TRIM33: variants seen among roughly 807,000 people sequenced by gnomAD.
The protein encoded by TRIM33 is tripartite motif containing 33, also known as E3 ubiquitin-protein ligase TRIM33.
A neutral mutation model predicts 125.4 loss-of-function variants in TRIM33; 20 were observed. That is an observed-to-expected ratio of 0.16 (90% CI 0.11 to 0.23). TRIM33 has a LOEUF of 0.23. Among genes scored for constraint, TRIM33 ranks in the 10% least tolerant of loss-of-function variants. TRIM33 has a pLI of 1.00. For synonymous variants in TRIM33, 564 were observed against 513.9 expected, an observed-to-expected ratio of 1.10 and a Z score of -1.32; for missense variants, 920 against 1,411.4, an observed-to-expected ratio of 0.65 and a Z score of 5.58.
intron 1 of TRIM33, among the ~76,000 whole-genome samples, chr1:114,472,678 G>C (rs1650722883): frequency 6.6e-6 from 1 of 152,150 alleles, no homozygotes; most frequent in Admixed American, 6.6e-5. Flanking sequence ...GCAGTGAGCA[G>C]TGATTGGGCC....
At chr1:114,459,691 C>T (rs879647208) in intron 4 of TRIM33, among the ~76,000 whole-genome samples, 2 of 151,996 alleles carry the variant, frequency 1.3e-5, no homozygotes, top group Non-Finnish European at 2.9e-5. Flanking sequence ...ACCACTTGAG[C>T]CCAAGAGCTT....
chr1:114,497,661 T>C lies in TRIM33; in HGVS notation c.526+12890A>G, dbSNP rs183481560. ...TTCCCAACTATTTAAAATATAAAAA[T>C]CATTCTTGGCTCACAGGTCATACAA... On this transcript the variant is annotated intron_variant, in intron 1 of 19. Transcript: ENST00000358465. Among the ~76,000 whole-genome samples, 28 of 152,280 alleles carry C rather than the reference T, an allele frequency of 1.8e-4. No individual in the cohort carries two copies. In the East Asian group the frequency reaches 5.2e-3, roughly 28 times the overall value.
chr1:114,466,720 T>C (rs1461320126), intron 1 of TRIM33, among the ~76,000 whole-genome samples: 1 of 152,204 alleles, frequency 6.6e-6, no homozygotes, highest in Admixed American at 6.5e-5. Flanking sequence ...TGCTTTCTCT[T>C]GGGCTTTGCA....
rs796240749 is a variant in TRIM33 at position 114,395,881 on chromosome 1, CTTG to C, written c.*1764_*1766del. On this transcript the variant is annotated 3_prime_UTR_variant, in exon 20 of 20. Transcript: ENST00000358465. ...ATCATATTCCTGTTTACCCCCACCC[CTTG>C]TTAAGAAAAGAAAAACAACCCAAAG... is the stretch of plus-strand genomic sequence containing the variant. 4.7e-5 allele frequency: 9 copies of C among 193,076 alleles called. No homozygotes were observed. The highest frequency in any genetic ancestry group is 2.1e-4 in the African/African-American group (9 of 43,236). The allele number at this position is 193,076 out of a possible 1,614,324, so 12.0% of individuals were successfully genotyped here. A position where few individuals can be genotyped will look rare whatever the true frequency, so the allele number is the denominator to read the frequency against.
chr1:114,422,315 G>A (rs1237714852), intron 10 of TRIM33, among the ~76,000 whole-genome samples: 1 of 152,134 alleles, frequency 6.6e-6, no homozygotes, highest in Non-Finnish European at 1.5e-5. Flanking sequence ...CAAAGTCTAA[G>A]GAAAATGTTC....
At chr1:114,409,723 C>T (rs75575951) in intron 12 of TRIM33, among the ~76,000 whole-genome samples, 2,324 of 152,210 alleles carry the variant, frequency 0.015, 48 homozygotes, top group African/African-American at 0.048. Context: ...GTCAACTTGG[C>T]TAGGATATGA....
intron 4 of TRIM33, among the ~76,000 whole-genome samples, chr1:114,441,720 T>C (rs1200428269): frequency 6.6e-6 from 1 of 152,270 alleles, no homozygotes; most frequent in East Asian, 1.9e-4. Context: ...TCAACCCATC[T>C]GCCCTCTTTG....
intron 10 of TRIM33, among the ~76,000 whole-genome samples, chr1:114,422,796 T>G (rs1647291234): frequency 6.6e-6 from 1 of 152,166 alleles, no homozygotes; most frequent in African/African-American, 2.4e-5. Flanking sequence ...TGACAAAAAG[T>G]TTTTAAATAG....
rs567942419 is a variant in TRIM33, at chr1:114,439,239, C to T, written c.924-5506G>A. ...CTGTAATCCCAGCATTTTGGGAGGC[C>T]GAGGTGGGCAGATCACGAGGTCATG... On this transcript the variant is annotated intron_variant, in intron 4 of 19. Transcript: ENST00000358465. Among the ~76,000 whole-genome samples the T allele has an allele frequency of 4.1e-4, 62 of 152,056 alleles. No homozygotes were observed. The South Asian group carries it at 1.0e-2, about 24-fold the overall frequency.
intron 1 of TRIM33, among the ~76,000 whole-genome samples, chr1:114,494,805 T>C (rs1466463070): frequency 2.6e-5 from 4 of 152,344 alleles, no homozygotes; most frequent in South Asian, 2.1e-4. Flanking sequence ...AAACTAACTA[T>C]AAATTAATTA....
At chr1:114,443,294 G>A (rs886457761) in intron 4 of TRIM33, among the ~76,000 whole-genome samples, 1 of 152,158 alleles carries the variant, frequency 6.6e-6, no homozygotes, top group Non-Finnish European at 1.5e-5. Context: ...TGAGGTGGGA[G>A]AATCGCTTGA....
chr1:114,468,246 C>A, intron 1 of TRIM33: 1 of 233,856 alleles, frequency 4.3e-6, no homozygotes, highest in Non-Finnish European at 8.4e-6. Flanking sequence ...GCAGGAGCAG[C>A]GCTGCTGCTG....
chr1:114,450,379 T>C (rs766850536), intron 4 of TRIM33, among the ~76,000 whole-genome samples: 2 of 152,212 alleles, frequency 1.3e-5, no homozygotes, highest in African/African-American at 2.4e-5. Context: ...TCACCCAGGC[T>C]GGAGTGCAGT....
At chr1:114,460,449 A>C (rs1444256124) in intron 4 of TRIM33, 1 of 152,184 alleles carries the variant, frequency 6.6e-6, no homozygotes, top group Non-Finnish European at 1.5e-5. Flanking sequence ...TGAGTTCATC[A>C]AGCTGAAAAT....
intron 6 of TRIM33, among the ~76,000 whole-genome samples, chr1:114,428,945 C>T (rs1189304240): frequency 6.6e-6 from 1 of 151,844 alleles, no homozygotes; most frequent in East Asian, 1.9e-4. Flanking sequence ...AACTCCACTT[C>T]CCAGGCTCAA....
chr1:114,438,284 A>G (rs1282538406), intron 4 of TRIM33, among the ~76,000 whole-genome samples: 2 of 152,238 alleles, frequency 1.3e-5, no homozygotes, highest in African/African-American at 4.8e-5. Flanking sequence ...AAACTGAATA[A>G]GAGAACCTTT....
intron 1 of TRIM33, 101 bp downstream of exon 1, chr1:114,510,449 GC>G: frequency 8.6e-7 from 1 of 1,156,324 alleles, no homozygotes; most frequent in Non-Finnish European, 1.1e-6. Context: ...TCGGGATGGC[GC>G]CCGTCCGAGC....
chr1:114,506,752 C>T (rs1653029369), intron 1 of TRIM33, among the ~76,000 whole-genome samples: 1 of 152,214 alleles, frequency 6.6e-6, no homozygotes, highest in African/African-American at 2.4e-5. Flanking sequence ...AAAAAGCTCA[C>T]TATTGAGATT....
At chr1:114,440,752 T>C (rs927380048) in intron 4 of TRIM33, among the ~76,000 whole-genome samples, 7 of 151,910 alleles carry the variant, frequency 4.6e-5, no homozygotes, top group African/African-American at 1.7e-4. Context: ...GCATTTTCAA[T>C]GTAAAAAAAG....
Sources: gnomAD v4.1 joint callset for allele counts (sites outside exome capture counted in the v4.1 genomes callset) on GRCh38, gnomAD v4.1.1 for gene constraint, MANE v1.5 for transcripts, NCBI Gene and HGNC (gene_info 2026-07-23, HGNC 2026-07-21) for gene names.